Variants in LARGE1 observed in about 807,000 individuals in gnomAD.
The protein encoded by LARGE1 is LARGE xylosyl- and glucuronyltransferase 1, also known as xylosyl- and glucuronyltransferase LARGE1.
In LARGE1, 43 loss-of-function variants were observed where a neutral mutation model predicts 87.6. The ratio of observed to expected loss-of-function variants is 0.49; its 90% CI spans 0.38 to 0.63. LARGE1 has a LOEUF of 0.63. Among genes scored for constraint, LARGE1 ranks in the 30% least tolerant of loss-of-function variants. The pLI is 0.00. For missense variants in LARGE1, 802 were observed against 1,000.2 expected (o/e 0.80, Z 2.67); for synonymous variants, 434 against 394.6 (o/e 1.10, Z -1.18).
the LARGE1 span, among the ~76,000 whole-genome samples, chr22:33,095,464 C>A: frequency 6.6e-6 from 1 of 152,164 alleles, no homozygotes; most frequent in Non-Finnish European, 1.5e-5. Flanking sequence ...AATATGATTT[C>A]ATTTTAACTT....
intron 3 of LARGE1, 105 bp downstream of exon 3, chr22:33,650,262 A>C (rs1424626938): frequency 4.3e-6 from 6 of 1,398,146 alleles, no homozygotes; most frequent in Middle Eastern, 2.4e-4. Flanking sequence ...AGAATCAAGA[A>C]TGCCAGCTCT....
At chr22:33,445,054 T>C (rs2067632625) in intron 6 of LARGE1, among the ~76,000 whole-genome samples, 1 of 152,196 alleles carries the variant, frequency 6.6e-6, no homozygotes, top group Admixed American at 6.5e-5. Context: ...GGTCTTGAAC[T>C]CCTGACCTCA....
intron 2 of LARGE1, among the ~76,000 whole-genome samples, chr22:33,738,788 TA>T (rs1285055706): frequency 1.4e-5 from 2 of 144,964 alleles, no homozygotes; most frequent in Non-Finnish European, 3.0e-5. Context: ...GAGCTTGCAG[TA>T]AGCCAAGATC....
intron 5 of LARGE1, among the ~76,000 whole-genome samples, chr22:33,570,564 C>T (rs2148817485): frequency 6.7e-6 from 1 of 149,758 alleles, no homozygotes; most frequent in South Asian, 2.1e-4. Context: ...AGGAGAATCG[C>T]TTGAACCCAG....
chr22:33,229,892 AG>A (rs1925917288), intron 11 of LARGE1, among the ~76,000 whole-genome samples: 1 of 151,952 alleles, frequency 6.6e-6, no homozygotes, highest in South Asian at 2.1e-4. Context: ...AAGCAAGGAG[AG>A]GGGGAAAAAT....
chr22:33,203,349 C>T (rs117825103), intron 11 of LARGE1, among the ~76,000 whole-genome samples: 3,359 of 152,222 alleles, frequency 0.022, 64 homozygotes, highest in Admixed American at 0.048. Context: ...CCTGATCTCC[C>T]AGGAGAATGC....
intron 5 of LARGE1, among the ~76,000 whole-genome samples, chr22:33,571,351 A>G (rs531201571): frequency 5.3e-5 from 8 of 152,288 alleles, no homozygotes; most frequent in African/African-American, 1.9e-4. Flanking sequence ...ATTCTAGGGT[A>G]TATCTGATGC....
chr22:33,613,963 A>G (rs2079512503), intron 4 of LARGE1, among the ~76,000 whole-genome samples: 1 of 152,190 alleles, frequency 6.6e-6, no homozygotes, highest in African/African-American at 2.4e-5. Context: ...TAAGCTAGAA[A>G]TGGGGGTATG....
intron 9 of LARGE1, among the ~76,000 whole-genome samples, chr22:33,379,625 A>T (rs1293633710): frequency 6.6e-6 from 1 of 152,198 alleles, no homozygotes; most frequent in Non-Finnish European, 1.5e-5. Context: ...ATGCAGCCAT[A>T]AAAAAGGATA....
intron 1 of LARGE1, among the ~76,000 whole-genome samples, chr22:33,883,454 G>T (rs2064755837): frequency 6.6e-6 from 1 of 152,152 alleles, no homozygotes; most frequent in South Asian, 2.1e-4. Context: ...GCCCTCCGCA[G>T]TCTCCCTGTT....
intron 11 of LARGE1, among the ~76,000 whole-genome samples, chr22:33,242,347 T>G (rs1260508638): frequency 6.6e-6 from 1 of 152,164 alleles, no homozygotes; most frequent in Admixed American, 6.5e-5. Context: ...CCTATCAATC[T>G]TCTAGTCTTA....
intron 6 of LARGE1, among the ~76,000 whole-genome samples, chr22:33,497,572 A>G (rs1325258785): frequency 1.3e-5 from 2 of 152,240 alleles, no homozygotes; most frequent in Non-Finnish European, 1.5e-5. Context: ...ACATAAGATC[A>G]CTGCCAGAAG....
intron 6 of LARGE1, chr22:33,563,321 C>G (rs1263263858): frequency 6.6e-6 from 1 of 152,326 alleles, no homozygotes; most frequent in African/African-American, 2.4e-5. Flanking sequence ...GCTACCTTCT[C>G]TAACCCCCTC....
At chr22:33,905,451 T>C (rs1004136085) in intron 1 of LARGE1, among the ~76,000 whole-genome samples, 1 of 152,186 alleles carries the variant, frequency 6.6e-6, no homozygotes, top group Admixed American at 6.5e-5. Flanking sequence ...AACTACACAA[T>C]TTCTAAGGAT....
chr22:33,129,052 C>A, the LARGE1 span, among the ~76,000 whole-genome samples: 1 of 152,120 alleles, frequency 6.6e-6, no homozygotes, highest in Non-Finnish European at 1.5e-5. Context: ...ATGTAGCAAG[C>A]CTGCATATCC....
At chr22:33,474,175 T>A (rs533577597) in intron 6 of LARGE1, among the ~76,000 whole-genome samples, 2 of 152,300 alleles carry the variant, frequency 1.3e-5, no homozygotes, top group South Asian at 4.1e-4. Context: ...TATTTATTTA[T>A]TTTTTGAGAT....
intron 10 of LARGE1, 135 bp downstream of exon 10, chr22:33,337,511 G>A (rs1052084686): frequency 4.4e-5 from 44 of 992,366 alleles, no homozygotes; most frequent in South Asian, 2.8e-4. Context: ...ACTAGATGGT[G>A]GACCCTGGGC....
the LARGE1 span, chr22:33,137,014 T>G: frequency 6.6e-6 from 1 of 152,098 alleles, no homozygotes; most frequent in Non-Finnish European, 1.5e-5. Context: ...AATGACTAAA[T>G]GTGCCCACTG....
upstream of LARGE1, among the ~76,000 whole-genome samples, chr22:33,921,621 G>T (rs975670767): frequency 1.3e-5 from 2 of 152,138 alleles, no homozygotes; most frequent in African/African-American, 4.8e-5. This position sits in a 1 kb window ranked among gnomAD's most constrained non-coding sequence, Gnocchi z 4.1. Context: ...CCTGTCCAAG[G>T]CTTCCTCTTC....
Sources: gnomAD v4.1 joint callset for allele counts (sites outside exome capture counted in the v4.1 genomes callset) on GRCh38, gnomAD v4.1.1 for gene constraint, Gnocchi (gnomAD v3.1) non-coding constraint, MANE v1.5 for transcripts, NCBI Gene and HGNC (gene_info 2026-07-23, HGNC 2026-07-21) for gene names.